Variants in PCCA observed in about 807,000 individuals in gnomAD.
PCCA encodes propionyl-CoA carboxylase alpha chain, mitochondrial.
A neutral mutation model predicts 101.3 loss-of-function variants in PCCA; 74 were observed. That is an observed-to-expected ratio of 0.73 (90% CI 0.61 to 0.89). PCCA has a LOEUF of 0.89. Ranked by LOEUF, PCCA falls within the 40% of genes least tolerant of loss-of-function variation. PCCA has a pLI of 0.00. For synonymous variants in PCCA, 294 were observed against 313.6 expected, an observed-to-expected ratio of 0.94 and a Z score of 0.66; for missense variants, 891 against 907.0, an observed-to-expected ratio of 0.98 and a Z score of 0.23.
chr13:100,366,390 C>T (rs1259637853), intron 18 of PCCA, among the ~76,000 whole-genome samples: 1 of 152,120 alleles, frequency 6.6e-6, no homozygotes, highest in African/African-American at 2.4e-5. Context: ...AGTAGACACT[C>T]CTCACAGTCT....
At chr13:100,345,754 C>A (rs1008519812) in intron 18 of PCCA, among the ~76,000 whole-genome samples, 3 of 152,148 alleles carry the variant, frequency 2.0e-5, no homozygotes, top group African/African-American at 7.2e-5. Flanking sequence ...GGCTTCAGAG[C>A]TTCAAAGAAC....
intron 4 of PCCA, among the ~76,000 whole-genome samples, chr13:100,151,933 A>C (rs1488536604): frequency 1.3e-5 from 2 of 152,044 alleles, no homozygotes; most frequent in Non-Finnish European, 2.9e-5. Flanking sequence ...TGCAATATTA[A>C]GTCATTCTGC....
intron 21 of PCCA, among the ~76,000 whole-genome samples, chr13:100,503,216 C>T (rs929749480): frequency 3.3e-5 from 5 of 152,336 alleles, no homozygotes; most frequent in African/African-American, 7.2e-5. Flanking sequence ...TCTGGCCGGG[C>T]GCAGTGGCTC....
At chr13:100,286,427 G>A (rs971479925) in intron 12 of PCCA, among the ~76,000 whole-genome samples, 5 of 152,138 alleles carry the variant, frequency 3.3e-5, no homozygotes, top group Admixed American at 1.3e-4. Flanking sequence ...AGAGAATGAC[G>A]GGGTGAGTGC....
intron 13 of PCCA, among the ~76,000 whole-genome samples, chr13:100,301,936 A>C (rs947703139): frequency 6.6e-6 from 1 of 152,206 alleles, no homozygotes; most frequent in African/African-American, 2.4e-5. Flanking sequence ...TTCAAACAAC[A>C]CTAACAAGAA....
chr13:100,524,269 G>A (rs932209080), intron 22 of PCCA, among the ~76,000 whole-genome samples: 4 of 152,186 alleles, frequency 2.6e-5, no homozygotes, highest in Non-Finnish European at 5.9e-5. Context: ...ACTGGGGCAG[G>A]TGTAGTTTGT....
At chr13:100,149,949 C>T (rs1329797415) in intron 4 of PCCA, among the ~76,000 whole-genome samples, 1 of 152,094 alleles carries the variant, frequency 6.6e-6, no homozygotes, top group African/African-American at 2.4e-5. Context: ...AATAGAATGT[C>T]TTTTTCAATG....
intron 6 of PCCA, chr13:100,161,189 C>G (rs2054431977): frequency 6.6e-6 from 1 of 152,114 alleles, no homozygotes; most frequent in Non-Finnish European, 1.5e-5. Flanking sequence ...TAACCAAAAA[C>G]CTTTTAAATA....
chr13:100,470,591 G>GA lies in PCCA; in HGVS notation c.1899+21291dup, dbSNP rs1339753361. On this transcript the variant is annotated intron_variant, in intron 21 of 23. Transcript: ENST00000376285. The stretch of plus-strand genomic sequence containing the variant: ...CTGGAGATTCCTGAGGCCTTGTTTT[G>GA]AAAAAGACTTGAAATACACATAGGA... Among the ~76,000 whole-genome samples the GA allele has an allele frequency of 3.3e-5, 5 of 151,910 alleles. No homozygotes were observed. The Middle Eastern group carries it at 0.01, about 310-fold the overall frequency.
chr13:100,199,709 AG>A (rs2058354967), intron 6 of PCCA, among the ~76,000 whole-genome samples: 1 of 152,222 alleles, frequency 6.6e-6, no homozygotes, highest in African/African-American at 2.4e-5. Context: ...AAATTTTGGT[AG>A]TTTAATGCTA....
chr13:100,131,787 T>A (rs533591772), intron 4 of PCCA, among the ~76,000 whole-genome samples: 43 of 152,322 alleles, frequency 2.8e-4, no homozygotes, highest in African/African-American at 9.6e-4. Flanking sequence ...ATGCTCCACA[T>A]CTTTTGAACT....
intron 21 of PCCA, among the ~76,000 whole-genome samples, chr13:100,466,355 C>T (rs1266031493): frequency 6.6e-6 from 1 of 152,174 alleles, no homozygotes; most frequent in Non-Finnish European, 1.5e-5. Flanking sequence ...GGATGCCTGA[C>T]AAGACACGTA....
chr13:100,341,979 A>ATATATATATATATATATATATATATATG (rs966272516), intron 18 of PCCA, among the ~76,000 whole-genome samples: 8 of 114,526 alleles, frequency 7.0e-5, no homozygotes, highest in South Asian at 2.4e-4. Flanking sequence ...ATATATATAT[A>ATATATATATATATATATATATATATATG]TATGTATTTA....
intron 19 of PCCA, among the ~76,000 whole-genome samples, chr13:100,414,132 A>T (rs953769337): frequency 2.0e-5 from 3 of 152,246 alleles, no homozygotes; most frequent in Non-Finnish European, 4.4e-5. Context: ...TTACATTTAT[A>T]ACACATGGAT....
At chr13:100,104,404 T>C (rs2047563027) in intron 2 of PCCA, 2 of 152,044 alleles carry the variant, frequency 1.3e-5, no homozygotes, top group Non-Finnish European at 2.9e-5. Context: ...AGGGAGGTGA[T>C]TGGATCATGG....
chr13:100,358,540 A>G (rs1219007103), intron 18 of PCCA, among the ~76,000 whole-genome samples: 1 of 152,228 alleles, frequency 6.6e-6, no homozygotes, highest in African/African-American at 2.4e-5. Context: ...GAAATTCCAT[A>G]TCTAAAATGT....
chr13:100,121,456 G>C (rs547081372), intron 4 of PCCA, among the ~76,000 whole-genome samples: 3 of 138,210 alleles, frequency 2.2e-5, no homozygotes, highest in Non-Finnish European at 3.0e-5. Flanking sequence ...CACTGCGTCT[G>C]GGCCTTAGGA....
At chr13:100,393,833 G>A (rs577966332) in intron 19 of PCCA, among the ~76,000 whole-genome samples, 3 of 152,304 alleles carry the variant, frequency 2.0e-5, no homozygotes, top group South Asian at 4.1e-4. Context: ...TACTTAGCAA[G>A]TATATGAAAC....
intron 21 of PCCA, chr13:100,479,880 A>G (rs2083743328): frequency 6.6e-6 from 1 of 152,186 alleles, no homozygotes; most frequent in Admixed American, 6.5e-5. Context: ...GGCTCCACTG[A>G]TAGAGACTCC....
Sources: gnomAD v4.1 joint callset for allele counts (sites outside exome capture counted in the v4.1 genomes callset) on GRCh38, gnomAD v4.1.1 for gene constraint, MANE v1.5 for transcripts, NCBI Gene and HGNC (gene_info 2026-07-23, HGNC 2026-07-21) for gene names.